The following TFCP2 variants were observed in gnomAD, a reference collection of about 807,000 sequenced individuals.
TFCP2 encodes alpha-globin transcription factor CP2.
A neutral mutation model predicts 73.4 loss-of-function variants in TFCP2; 33 were observed. That is an observed-to-expected ratio of 0.45 (90% confidence interval 0.34 to 0.60). TFCP2 has a LOEUF of 0.60. TFCP2 is among the 20% of genes least tolerant of loss of function. The pLI is 0.01. For synonymous variants in TFCP2, 193 were observed against 211.6 expected (o/e 0.91, Z 0.76); for missense variants, 352 against 604.0 (o/e 0.58, Z 4.37).
chr12:51,153,942 A>C (rs1226611767), intron 1 of TFCP2, among the ~76,000 whole-genome samples: 1 of 152,160 alleles, frequency 6.6e-6, no homozygotes, highest in Non-Finnish European at 1.5e-5. Context: ...TTTTTTGAGG[A>C]ACCACCATAC....
intron 1 of TFCP2, among the ~76,000 whole-genome samples, chr12:51,153,040 A>C (rs1385780564): frequency 2.0e-5 from 3 of 152,172 alleles, no homozygotes; most frequent in Admixed American, 1.3e-4. Context: ...AACTATTTGC[A>C]TTCTTTTTGT....
At chr12:51,102,106 G>C in intron 10 of TFCP2, 81 bp from the exon 11 acceptor site, 1 of 952,010 alleles carries the variant, frequency 1.1e-6, no homozygotes, top group Admixed American at 1.9e-5. Flanking sequence ...GTATTATAAG[G>C]ACACCTCATT....
chr12:51,095,974 T>G lies in TFCP2; in HGVS notation c.1471+15A>C, dbSNP rs1197888314. On this transcript the variant is annotated intron_variant, in intron 14 of 14. Coordinates refer to ENST00000257915, the MANE Select transcript of TFCP2 (RefSeq NM_005653.5). ...TGTTAAACTGCTTAGAGAAAGATGT[T>G]TGTCTTACTATTACCTTTCATTGTG... 6.2e-7 allele frequency: 1 copy of G among 1,610,372 alleles called. No individual in the cohort carries two copies. Among genetic ancestry groups the G allele is most frequent in the Non-Finnish European group, 8.5e-7 (1 of 1,177,616 alleles).
At chr12:51,127,507 GGAAGCT>G (rs1444560444) in intron 1 of TFCP2, among the ~76,000 whole-genome samples, 1 of 152,180 alleles carries the variant, frequency 6.6e-6, no homozygotes, top group Non-Finnish European at 1.5e-5. Context: ...TCATCAAGAA[GGAAGCT>G]GAAGCTGAAG....
chr12:51,117,800 ATTC>A, intron 2 of TFCP2, 53 bp from the exon 3 acceptor site: 1 of 1,258,272 alleles, frequency 7.9e-7, no homozygotes, highest in Non-Finnish European at 1.1e-6. Context: ...ACTTTGCTAG[ATTC>A]GGAAAGAATA....
chr12:51,139,259 A>G (rs1941134846), intron 1 of TFCP2, among the ~76,000 whole-genome samples: 1 of 152,142 alleles, frequency 6.6e-6, no homozygotes, highest in South Asian at 2.1e-4. Flanking sequence ...TCCCAACGCA[A>G]TCATGATAAA....
intron 1 of TFCP2, among the ~76,000 whole-genome samples, chr12:51,136,628 T>C (rs1941067633): frequency 8.2e-6 from 1 of 122,018 alleles, no homozygotes; most frequent in Non-Finnish European, 1.7e-5. Context: ...GAAACACAAG[T>C]GAGCAGTAGA....
At position 51,098,478 on chromosome 12, in the gene TFCP2, T is replaced by G. The variant is rs1051491359; in HGVS notation, c.1419+298A>C. ...CCATCTCTACTAAAAATACAAAAAT[T>G]AGCCAGGCGTGGTGGCGCACGCCTG... is the stretch of plus-strand genomic sequence containing the variant. On this transcript the variant is annotated intron_variant, in intron 13 of 14. Transcript: ENST00000257915. Among the ~76,000 whole-genome samples, 8 of 23,184 alleles carry G rather than the reference T, an allele frequency of 3.5e-4. 1 individual carries two copies. In the Admixed American group the frequency reaches 5.0e-3, roughly 15 times the overall value. The allele number at this position is 23,184 out of a possible 152,430, so 15.2% of individuals were successfully genotyped here.
At chr12:51,142,203 CAAAAAA>C (rs3053458) in intron 1 of TFCP2, among the ~76,000 whole-genome samples, 40 of 52,742 alleles carry the variant, frequency 7.6e-4, no homozygotes, top group Non-Finnish European at 1.0e-3. Flanking sequence ...GACTCTGTCG[CAAAAAA>C]AAAAAAAAAA....
intron 1 of TFCP2, among the ~76,000 whole-genome samples, chr12:51,158,849 T>C (rs961766105): frequency 6.8e-6 from 1 of 147,240 alleles, no homozygotes; most frequent in Non-Finnish European, 1.5e-5. Flanking sequence ...AGACGGGGAG[T>C]ATGGTGCCAG....
intron 4 of TFCP2, among the ~76,000 whole-genome samples, chr12:51,111,344 C>T (rs1377920511): frequency 2.6e-5 from 4 of 151,952 alleles, no homozygotes; most frequent in African/African-American, 9.7e-5. Flanking sequence ...TGGGGTTTCA[C>T]CATGTTGGCC....
chr12:51,138,227 C>A (rs773310214), intron 1 of TFCP2, among the ~76,000 whole-genome samples: 22 of 151,936 alleles, frequency 1.4e-4, no homozygotes, highest in African/African-American at 4.1e-4. Context: ...CTACAACCTA[C>A]GACTTCCACG....
intron 6 of TFCP2, among the ~76,000 whole-genome samples, chr12:51,108,279 C>T (rs563964643): frequency 1.3e-5 from 2 of 150,216 alleles, no homozygotes; most frequent in South Asian, 2.1e-4. Context: ...GAGTGAAACT[C>T]CGACTCAAAA....
Position 51,098,842 on chromosome 12 carries a change from G to A in TFCP2, c.1353C>T (p.Ser451=), listed in dbSNP as rs142162645. 127 of 1,613,950 alleles carry A rather than the reference G, an allele frequency of 7.9e-5. 1 individual carries two copies. Among genetic ancestry groups the A allele is most frequent in the Non-Finnish European group, 1.0e-4 (122 of 1,180,026 alleles). ...TEKIAQLFSI[S]PCQISQIYKQ... is the part of the protein sequence containing the mutation. ...TGTAAATCTGGCTGATCTGGCAAGG[G>A]GAAATGCTGAAAAGCTGAGCAATTT... Residue 451 remains serine, a synonymous_variant, in exon 13 of 15, where the codon TCC becomes TCT. Coordinates refer to ENST00000257915, the MANE Select transcript of TFCP2 (RefSeq NM_005653.5).
At chr12:51,117,809 G>A (rs372401389) in intron 2 of TFCP2, 62 bp from the exon 3 acceptor site, 3 of 1,179,544 alleles carry the variant, frequency 2.5e-6, no homozygotes. Context: ...GATTCGGAAA[G>A]AATAAAATTC....
intron 1 of TFCP2, among the ~76,000 whole-genome samples, chr12:51,146,564 C>T (rs948936556): frequency 6.6e-6 from 1 of 152,076 alleles, no homozygotes; most frequent in Admixed American, 6.6e-5. Context: ...GGATGCAGAA[C>T]CGAAACACCT....
At chr12:51,118,234 G>A (rs1259797614) in intron 2 of TFCP2, among the ~76,000 whole-genome samples, 1 of 152,200 alleles carries the variant, frequency 6.6e-6, no homozygotes, top group African/African-American at 2.4e-5. Flanking sequence ...AAAGATCTAA[G>A]TTTTTACATA....
intron 1 of TFCP2, among the ~76,000 whole-genome samples, chr12:51,133,478 T>C (rs943937668): frequency 2.6e-5 from 4 of 152,156 alleles, no homozygotes; most frequent in African/African-American, 9.6e-5. Flanking sequence ...CTAATTTTTG[T>C]ATTTTTTTGT....
intron 1 of TFCP2, among the ~76,000 whole-genome samples, chr12:51,152,863 T>A (rs1157110335): frequency 2.0e-5 from 3 of 152,328 alleles, no homozygotes; most frequent in South Asian, 4.1e-4. Context: ...TGGTATTAAG[T>A]ACAATCATAT....
Sources: allele counts gnomAD v4.1 joint callset (sites outside exome capture counted in the v4.1 genomes callset), GRCh38; gene constraint gnomAD v4.1.1; transcripts MANE v1.5; gene names NCBI Gene and HGNC (gene_info 2026-07-23, HGNC 2026-07-21).